The following CYP24A1 variants were observed in gnomAD, a reference collection of about 807,000 sequenced individuals.
CYP24A1 encodes the protein 1,25-dihydroxyvitamin D(3) 24-hydroxylase, mitochondrial.
A neutral mutation model predicts 62.4 loss-of-function variants in CYP24A1; 68 were observed. The observed-to-expected ratio is 1.09, with a 90% CI of 0.90 to 1.33. The LOEUF (loss-of-function observed/expected upper bound fraction) is 1.33, where lower values mean the gene tolerates loss of function less well. Ranked by LOEUF, CYP24A1 falls within the 40% of genes most tolerant of loss-of-function variation. The pLI is 0.00. For missense variants in CYP24A1, 787 were observed against 653.0 expected (o/e 1.21, Z -2.24); for synonymous variants, 267 against 253.0 (o/e 1.06, Z -0.52).
chr20:54,149,635 T>G (rs1272344249), downstream of CYP24A1, among the ~76,000 whole-genome samples: 1 of 151,296 alleles, frequency 6.6e-6, no homozygotes. Context: ...CCCCGGAGAG[T>G]AGGAATTATT....
chr20:54,144,216 CTTT>C, the CYP24A1 span, among the ~76,000 whole-genome samples: 2 of 141,758 alleles, frequency 1.4e-5, no homozygotes, highest in Non-Finnish European at 1.5e-5. Context: ...CTCTTTCTTT[CTTT>C]TTTTTTTTTT....
chr20:54,159,928 A>G (rs2092644221), intron 7 of CYP24A1, among the ~76,000 whole-genome samples: 4 of 152,234 alleles, frequency 2.6e-5, no homozygotes, highest in Admixed American at 2.6e-4. Flanking sequence ...TTTAATTAAA[A>G]GTTGCTTGAT....
intron 7 of CYP24A1, among the ~76,000 whole-genome samples, 167 bp from the exon 8 acceptor site, chr20:54,159,290 G>A (rs1445246390): frequency 6.6e-6 from 1 of 151,846 alleles, no homozygotes; most frequent in African/African-American, 2.4e-5. Context: ...ATATAAAAAA[G>A]CAGACTTATT....
In CYP24A1 at chr20:54,173,540, A is replaced by AGGC. The variant is rs1249232851; in HGVS notation, c.37_39dup (p.Ala13dup). The stretch of plus-strand genomic sequence containing the variant: ...CTCGGACTGCGCAGCTGCTGCAGGA[A>AGGC]GGCGGCAAGCGAGCGGCTCTTGCTG... On this transcript the variant is annotated inframe_insertion, in exon 1 of 12. Transcript: ENST00000216862. This position sits in a 1 kb window ranked among gnomAD's most constrained non-coding sequence, Gnocchi z 7.2. 2 of 1,581,378 alleles carry AGGC rather than the reference A, an allele frequency of 1.3e-6. No homozygotes were observed. The highest frequency in any genetic ancestry group is 2.3e-5 in the South Asian group (2 of 87,418).
intron 4 of CYP24A1, among the ~76,000 whole-genome samples, chr20:54,166,503 T>C (rs957615931): frequency 6.6e-6 from 1 of 152,220 alleles, no homozygotes; most frequent in Non-Finnish European, 1.5e-5. Flanking sequence ...CATACAAGTG[T>C]ATACGTGGTT....
chr20:54,173,252 G>C lies in CYP24A1; in HGVS notation c.258+70C>G. ...CATGCGCCCGAGGCGCGCATGTCGG[G>C]GAGGGTTTGGAGCGCCACTGGGAGG... On this transcript the variant is annotated intron_variant, in intron 1 of 11. Transcript: ENST00000216862. This position sits in a 1 kb window ranked among gnomAD's most constrained non-coding sequence, Gnocchi z 7.2. 6.5e-7 allele frequency: 1 copy of C among 1,531,560 alleles called. No homozygotes were observed. The highest frequency in any genetic ancestry group is 1.1e-5 in the South Asian group (1 of 88,084). 94.9% of individuals were successfully genotyped at this position (1,531,560 alleles called of 1,614,324 possible).
At chr20:54,162,239 T>G (rs2092653656) in intron 7 of CYP24A1, among the ~76,000 whole-genome samples, 4 of 137,774 alleles carry the variant, frequency 2.9e-5, no homozygotes, top group Admixed American at 7.3e-5. Context: ...TTTTTTTTTT[T>G]TTTTTTTTTT....
chr20:54,162,370 C>T (rs12624440), intron 7 of CYP24A1, among the ~76,000 whole-genome samples: 1 of 151,232 alleles, frequency 6.6e-6, no homozygotes, highest in Non-Finnish European at 1.5e-5. Context: ...AACTTTACTG[C>T]TCCTGAACTC....
At chr20:54,170,737 GA>G (rs2092691146) in intron 3 of CYP24A1, among the ~76,000 whole-genome samples, 1 of 152,118 alleles carries the variant, frequency 6.6e-6, no homozygotes, top group Non-Finnish European at 1.5e-5. Context: ...CACGTTTCCT[GA>G]AATTTTTACT....
Position 54,172,957 on chromosome 20 carries a change from C to T in CYP24A1, c.401G>A (p.Trp134Ter), listed in dbSNP as rs1463489192. 6.2e-7 allele frequency: 1 copy of T among 1,613,678 alleles called. No homozygotes were observed. The highest frequency in any genetic ancestry group is 8.5e-7 in the Non-Finnish European group (1 of 1,180,032). ...TTTGCGGTAGTCGCGATAGGCCTTC[C>T]ACGGTTTGATCTCCAGCCGCTGCGG... Reference protein sequence around the residue: ...AYPQRLEIKPWKAYRDYRKEG... With the variant: ...AYPQRLEIKP The change falls in exon 2 of 12, where the codon TGG (tryptophan) becomes TAG (stop). Residue 134 changes from tryptophan (W) to a stop codon, truncating the protein, a stop_gained. Coordinates refer to ENST00000216862, the MANE Select transcript of CYP24A1 (RefSeq NM_000782.5). LOFTEE classifies it high-confidence loss of function.
chr20:54,165,780 C>T lies in CYP24A1; in HGVS notation c.694G>A (p.Gly232Arg). ...ATGATGAAGTTCACAGCTTCATCCC[C>T]TGCATTCTTCTGGAGAAGCCCAAAT... The part of the protein sequence containing the change: ...KRFGLLQKNA[G>R]DEAVNFIMAI... Residue 232 changes from glycine (G) to arginine (R), a missense_variant, in exon 5 of 12, where the codon GGG becomes AGG. Coordinates refer to ENST00000216862, the MANE Select transcript of CYP24A1 (RefSeq NM_000782.5). The T allele has an allele frequency of 6.5e-7, 1 of 1,544,462 alleles. No homozygotes were observed. Among genetic ancestry groups the T allele is most frequent in the Non-Finnish European group, 9.0e-7 (1 of 1,116,128 alleles).
chr20:54,167,884 A>T (rs1388577241), intron 4 of CYP24A1, among the ~76,000 whole-genome samples: 1 of 152,212 alleles, frequency 6.6e-6, no homozygotes, highest in Admixed American at 6.5e-5. Context: ...CAGCAGCCAC[A>T]GTGATCCTCC....
At chr20:54,168,831 C>T (rs1467795838) in intron 4 of CYP24A1, among the ~76,000 whole-genome samples, 11 of 60,722 alleles carry the variant, frequency 1.8e-4, no homozygotes, top group Non-Finnish European at 3.4e-4. Flanking sequence ...TCCTTCCTTC[C>T]CTCCCTCCCT....
chr20:54,159,916 C>T (rs768502412), intron 7 of CYP24A1, among the ~76,000 whole-genome samples: 4 of 152,058 alleles, frequency 2.6e-5, no homozygotes, highest in Non-Finnish European at 4.4e-5. Context: ...TCAAAATAAA[C>T]ATTTAATTAA....
chr20:54,152,489 G>A (rs1000010588), downstream of CYP24A1, among the ~76,000 whole-genome samples: 8 of 152,226 alleles, frequency 5.3e-5, no homozygotes, highest in South Asian at 4.1e-4. Flanking sequence ...GCTGGGGACA[G>A]CCCCTGTGGG....
intron 8 of CYP24A1, 97 bp from the exon 9 acceptor site, chr20:54,158,261 A>C (rs2092636974): frequency 2.5e-6 from 4 of 1,574,278 alleles, no homozygotes; most frequent in Non-Finnish European, 2.6e-6. Flanking sequence ...AATGCTGCCC[A>C]AGTGCATACT....
chr20:54,172,203 A>T (rs554485379), intron 2 of CYP24A1, among the ~76,000 whole-genome samples: 2 of 152,314 alleles, frequency 1.3e-5, no homozygotes, highest in East Asian at 3.9e-4. Flanking sequence ...ACTTGTAGGC[A>T]CCTGCCCCAT....
intron 6 of CYP24A1, among the ~76,000 whole-genome samples, chr20:54,164,048 G>T (rs2092662101): frequency 6.6e-6 from 1 of 152,094 alleles, no homozygotes; most frequent in Non-Finnish European, 1.5e-5. Flanking sequence ...CAATTCTCCT[G>T]CCTCAGCCTC....
chr20:54,166,734 T>A lies in CYP24A1; in HGVS notation c.641-901A>T, dbSNP rs529871236. Among the ~76,000 whole-genome samples the A allele has an allele frequency of 5.6e-3, 857 of 151,694 alleles. 12 individuals carry two copies. Among genetic ancestry groups the A allele is most frequent in the African/African-American group, 0.019 (770 of 41,326 alleles). On this transcript the variant is annotated intron_variant, in intron 4 of 11. Coordinates refer to ENST00000216862, the MANE Select transcript of CYP24A1 (RefSeq NM_000782.5). ...ATTATCTCTTGTAACCTTTTTTTTTTAAAAAAAGGACACAGGGCCGAGCGT... is the reference window on the plus strand; with the variant it reads ...ATTATCTCTTGTAACCTTTTTTTTTAAAAAAAAGGACACAGGGCCGAGCGT...
Sources: allele counts gnomAD v4.1 joint callset (sites outside exome capture counted in the v4.1 genomes callset), GRCh38; gene constraint gnomAD v4.1.1; non-coding constraint Gnocchi (gnomAD v3.1); transcripts MANE v1.5; gene names NCBI Gene and HGNC (gene_info 2026-07-23, HGNC 2026-07-21).